Variants in TMEM233 observed in about 807,000 individuals in gnomAD.
The protein encoded by TMEM233 is dispanin subfamily B member 2.
A neutral mutation model predicts 11.2 loss-of-function variants in TMEM233; 6 were observed. The observed-to-expected ratio is 0.54, with a 90% confidence interval of 0.29 to 1.06. The LOEUF is 1.06. Ranked by LOEUF, TMEM233 falls within the 50% of genes least tolerant of loss-of-function variation. The pLI, the probability that TMEM233 is intolerant of heterozygous loss-of-function variation, is 0.08. For synonymous variants in TMEM233, 59 were observed against 55.8 expected, an observed-to-expected ratio of 1.06 and a Z score of -0.26; for missense variants, 127 against 144.7, an observed-to-expected ratio of 0.88 and a Z score of 0.63.
chr12:119,627,832 C>T (rs1428943771), intron 1 of TMEM233, among the ~76,000 whole-genome samples: 3 of 152,244 alleles, frequency 2.0e-5, no homozygotes, highest in Non-Finnish European at 4.4e-5. Flanking sequence ...AAGACATGCT[C>T]ACCAGTGCCA....
chr12:119,612,279 C>A (rs1378888965), intron 1 of TMEM233, among the ~76,000 whole-genome samples: 1 of 151,942 alleles, frequency 6.6e-6, no homozygotes, highest in Non-Finnish European at 1.5e-5. Context: ...AGGCGTGAGC[C>A]ACTGCGCCCA....
At chr12:119,649,841 GTTGT>G in the TMEM233 span, among the ~76,000 whole-genome samples, 2 of 109,526 alleles carry the variant, frequency 1.8e-5, no homozygotes, top group Non-Finnish European at 3.5e-5. Flanking sequence ...TCCCACGGTA[GTTGT>G]TTAACTATTA....
At chr12:119,635,769 A>G (rs1954961191) in intron 2 of TMEM233, among the ~76,000 whole-genome samples, 2 of 152,172 alleles carry the variant, frequency 1.3e-5, no homozygotes, top group Non-Finnish European at 2.9e-5. Flanking sequence ...CCCTCTTCTC[A>G]GTTTCTATTA....
At chr12:119,607,599 T>C (rs1381402736) in intron 1 of TMEM233, among the ~76,000 whole-genome samples, 1 of 135,388 alleles carries the variant, frequency 7.4e-6, no homozygotes, top group Non-Finnish European at 1.6e-5. Flanking sequence ...AGTAATTAGA[T>C]GCAATTTTTT....
At chr12:119,613,076 C>T (rs1416756178) in intron 1 of TMEM233, among the ~76,000 whole-genome samples, 1 of 151,974 alleles carries the variant, frequency 6.6e-6, no homozygotes, top group Non-Finnish European at 1.5e-5. Flanking sequence ...TCATCATTTA[C>T]ATTAGGTATT....
At chr12:119,639,961 A>G (rs1372298898) in intron 2 of TMEM233, among the ~76,000 whole-genome samples, 3 of 152,180 alleles carry the variant, frequency 2.0e-5, no homozygotes, top group Non-Finnish European at 2.9e-5. Context: ...GCACGATCAC[A>G]TTGTGTAAAC....
At chr12:119,654,292 C>T in the TMEM233 span, among the ~76,000 whole-genome samples, 3 of 152,038 alleles carry the variant, frequency 2.0e-5, no homozygotes, top group Non-Finnish European at 4.4e-5. Context: ...TAGTTAAAAA[C>T]TTAGAGACTT....
At chr12:119,625,360 A>ACTT (rs113766798) in intron 1 of TMEM233, among the ~76,000 whole-genome samples, 2,602 of 61,794 alleles carry the variant, frequency 0.042, 65 homozygotes, top group African/African-American at 0.074. Flanking sequence ...TCTGTACATA[A>ACTT]CTTCTTCTTT....
At chr12:119,603,670 A>G (rs568225366) in intron 1 of TMEM233, among the ~76,000 whole-genome samples, 1 of 152,236 alleles carries the variant, frequency 6.6e-6, no homozygotes, top group East Asian at 1.9e-4. Context: ...TTTACTCTAA[A>G]CAGATTTCCT....
chr12:119,653,971 TA>T, the TMEM233 span, among the ~76,000 whole-genome samples: 59,565 of 139,386 alleles, frequency 0.43, 12,892 homozygotes, highest in South Asian at 0.53. Flanking sequence ...TCCAAGAAGC[TA>T]AAAAAAAAAA....
chr12:119,605,142 T>C (rs1954247456), intron 1 of TMEM233, among the ~76,000 whole-genome samples: 1 of 152,162 alleles, frequency 6.6e-6, no homozygotes, highest in Non-Finnish European at 1.5e-5. Flanking sequence ...TGTTCTTTGC[T>C]GTGGGTAATT....
chr12:119,646,750 C>T (rs756962617), downstream of TMEM233, among the ~76,000 whole-genome samples: 44 of 152,224 alleles, frequency 2.9e-4, no homozygotes, highest in Admixed American at 6.5e-5. Context: ...CTTGTCATTA[C>T]TTTGGGTCCA....
chr12:119,644,427 A>G (rs1027248285), downstream of TMEM233, among the ~76,000 whole-genome samples: 3 of 151,846 alleles, frequency 2.0e-5, no homozygotes, highest in Non-Finnish European at 4.4e-5. Context: ...GCTTCTTACT[A>G]TACCTTCCAT....
At chr12:119,625,990 T>C (rs1221172299) in intron 1 of TMEM233, among the ~76,000 whole-genome samples, 2 of 152,216 alleles carry the variant, frequency 1.3e-5, no homozygotes, top group African/African-American at 2.4e-5. Flanking sequence ...TTGCATATAA[T>C]TGTTAGGTTC....
At chr12:119,618,563 A>G (rs1303512830) in intron 1 of TMEM233, among the ~76,000 whole-genome samples, 1 of 152,216 alleles carries the variant, frequency 6.6e-6, no homozygotes, top group Non-Finnish European at 1.5e-5. Context: ...CACACCTCTT[A>G]CATCAGTGTG....
chr12:119,605,017 C>T (rs1439049530), intron 1 of TMEM233, among the ~76,000 whole-genome samples: 3 of 141,686 alleles, frequency 2.1e-5, no homozygotes, highest in Admixed American at 6.9e-5. Context: ...TTTTTTGCCA[C>T]GGGTGAAATT....
downstream of TMEM233, among the ~76,000 whole-genome samples, chr12:119,647,865 A>C (rs899382964): frequency 6.6e-6 from 1 of 150,420 alleles, no homozygotes; most frequent in African/African-American, 2.5e-5. Context: ...ATGAGTGAGA[A>C]CATGCGGTGT....
At chr12:119,648,800 TGAGTC>T in the TMEM233 span, among the ~76,000 whole-genome samples, 1 of 152,222 alleles carries the variant, frequency 6.6e-6, no homozygotes. Flanking sequence ...AGAAGAAAAC[TGAGTC>T]AAAGCTTCCT....
intron 1 of TMEM233, among the ~76,000 whole-genome samples, chr12:119,602,545 A>G (rs1234616612): frequency 1.3e-5 from 2 of 152,232 alleles, no homozygotes; most frequent in African/African-American, 4.8e-5. Context: ...CATCATGGGA[A>G]GGCCGCATTC....
Sources: allele counts gnomAD v4.1 joint callset (sites outside exome capture counted in the v4.1 genomes callset), GRCh38; gene constraint gnomAD v4.1.1; transcripts MANE v1.5; gene names NCBI Gene and HGNC (gene_info 2026-07-23, HGNC 2026-07-21).